The following EPC2 variants were observed in gnomAD, a reference collection of about 807,000 sequenced individuals.
EPC2 encodes the protein enhancer of polycomb homolog 2.
Under a neutral mutation model 92.1 loss-of-function variants are expected in EPC2, and 14 were observed. That is an observed-to-expected ratio of 0.15 (90% CI 0.10 to 0.24). EPC2 has a LOEUF of 0.24. Ranked by LOEUF, EPC2 falls within the 10% of genes least tolerant of loss-of-function variation. The pLI is 1.00. For missense variants in EPC2, 755 were observed against 971.5 expected (o/e 0.78, Z 2.96); for synonymous variants, 340 against 334.7 (o/e 1.02, Z -0.17).
At chr2:148,691,502 T>A in intron 2 of EPC2, 1 of 1,549,156 alleles carries the variant, frequency 6.5e-7, no homozygotes, top group Non-Finnish European at 8.7e-7. Flanking sequence ...GATTGACTGC[T>A]TTTCATTGAT....
chr2:148,708,139 C>A (rs1385401861), intron 2 of EPC2, among the ~76,000 whole-genome samples: 1 of 152,040 alleles, frequency 6.6e-6, no homozygotes, highest in East Asian at 1.9e-4. Context: ...CAAATAGATG[C>A]AGTAAAAAAT....
chr2:148,746,289 T>A (rs1017661071), intron 3 of EPC2, among the ~76,000 whole-genome samples: 2 of 152,094 alleles, frequency 1.3e-5, no homozygotes, highest in African/African-American at 4.8e-5. Flanking sequence ...TTCACCTGGA[T>A]GGTCCACAGT....
intron 1 of EPC2, among the ~76,000 whole-genome samples, chr2:148,658,026 A>G (rs72862675): frequency 3.3e-3 from 495 of 152,278 alleles, no homozygotes; most frequent in Non-Finnish European, 5.5e-3. Flanking sequence ...GAATTATTTA[A>G]TACCTAAGCC....
At chr2:148,780,002 A>G (rs1683717842) in intron 10 of EPC2, among the ~76,000 whole-genome samples, 1 of 152,208 alleles carries the variant, frequency 6.6e-6, no homozygotes. Flanking sequence ...ATAGCTGGAA[A>G]TTCATGAATA....
chr2:148,759,383 G>C (rs1006824909), intron 4 of EPC2, among the ~76,000 whole-genome samples: 2 of 152,140 alleles, frequency 1.3e-5, no homozygotes, highest in South Asian at 4.1e-4. Context: ...GTGAGCCACT[G>C]CGCCCGGCCA....
At chr2:148,746,030 T>G (rs1256259276) in intron 3 of EPC2, among the ~76,000 whole-genome samples, 1 of 151,968 alleles carries the variant, frequency 6.6e-6, no homozygotes, top group Non-Finnish European at 1.5e-5. Context: ...AAAAATACAG[T>G]TTATTCCCTC....
intron 1 of EPC2, among the ~76,000 whole-genome samples, chr2:148,660,668 C>T (rs1680913479): frequency 6.6e-6 from 1 of 151,100 alleles, no homozygotes; most frequent in South Asian, 2.1e-4. Flanking sequence ...CTCATTTTTT[C>T]CTTAGAACTT....
intron 1 of EPC2, among the ~76,000 whole-genome samples, chr2:148,681,714 G>GTTTC (rs1219880794): frequency 1.4e-4 from 22 of 152,052 alleles, no homozygotes; most frequent in African/African-American, 5.1e-4. Flanking sequence ...TTGTTTGTTT[G>GTTTC]TTTCTTTCTT....
intron 3 of EPC2, among the ~76,000 whole-genome samples, chr2:148,750,798 T>C (rs1470827552): frequency 1.3e-5 from 2 of 152,112 alleles, no homozygotes; most frequent in African/African-American, 4.8e-5. Flanking sequence ...ATGCTTGTTA[T>C]TTGGAAGCCT....
chr2:148,646,199 C>T (rs771534197), intron 1 of EPC2, among the ~76,000 whole-genome samples: 27 of 152,176 alleles, frequency 1.8e-4, no homozygotes, highest in Non-Finnish European at 3.1e-4. Flanking sequence ...GATTGGTTCT[C>T]TTGCTTCAGT....
intron 2 of EPC2, among the ~76,000 whole-genome samples, chr2:148,719,322 T>C (rs1034790029): frequency 2.6e-5 from 4 of 152,228 alleles, no homozygotes; most frequent in Admixed American, 6.5e-5. Context: ...AAGGACACTC[T>C]GGCTTTTTGA....
intron 1 of EPC2, among the ~76,000 whole-genome samples, chr2:148,676,945 G>A (rs992169972): frequency 2.6e-5 from 4 of 151,894 alleles, no homozygotes; most frequent in African/African-American, 9.7e-5. Context: ...AGGAAATCAC[G>A]TAGTGCCTGT....
intron 2 of EPC2, among the ~76,000 whole-genome samples, chr2:148,715,946 A>G (rs1317478379): frequency 6.6e-6 from 1 of 151,834 alleles, no homozygotes; most frequent in Admixed American, 6.6e-5. Context: ...CACTTCCCTT[A>G]TTAGCTGTAT....
chr2:148,717,193 A>ATTT (rs61215161), intron 2 of EPC2, among the ~76,000 whole-genome samples: 1 of 100,894 alleles, frequency 9.9e-6, no homozygotes, highest in Non-Finnish European at 2.0e-5. Context: ...GGATTCATTG[A>ATTT]TTTTTTTTTT....
Position 148,786,300 on chromosome 2 carries a change from C to G in EPC2, c.2352-5C>G, listed in dbSNP as rs1310233277. 2 of 1,608,984 alleles carry G rather than the reference C, an allele frequency of 1.2e-6. No individual in the cohort carries two copies. The highest frequency in any genetic ancestry group is 1.1e-5 in the South Asian group (1 of 90,118). On this transcript the variant is annotated splice_region_variant and splice_polypyrimidine_tract_variant and intron_variant, in intron 13 of 13. Transcript: ENST00000258484. ...TTTATTTTATCCTTTGCCTTATTAC[C>G]ATAGAGAGAACCACGAACCAGAAAG...
intron 4 of EPC2, among the ~76,000 whole-genome samples, chr2:148,757,409 AATAG>A (rs1683213244): frequency 1.3e-5 from 2 of 152,240 alleles, no homozygotes; most frequent in Admixed American, 6.5e-5. Context: ...TATAGTTAGA[AATAG>A]ATATAGATCT....
At chr2:148,765,493 G>T (rs2382250) in intron 7 of EPC2, among the ~76,000 whole-genome samples, 2,076 of 152,114 alleles carry the variant, frequency 0.014, 43 homozygotes, top group African/African-American at 0.047. Flanking sequence ...ATATATAATT[G>T]TAAATATTGA....
chr2:148,700,818 A>G (rs1371690230), intron 2 of EPC2, among the ~76,000 whole-genome samples: 1 of 152,064 alleles, frequency 6.6e-6, no homozygotes, highest in Admixed American at 6.6e-5. Flanking sequence ...CATCATTGTA[A>G]CAAAATAACT....
At chr2:148,718,064 C>G (rs1218833910) in intron 2 of EPC2, among the ~76,000 whole-genome samples, 2 of 152,082 alleles carry the variant, frequency 1.3e-5, no homozygotes, top group African/African-American at 4.8e-5. Context: ...GGATTGCAAC[C>G]CCTGCTTCGT....
Sources: gnomAD v4.1 joint callset for allele counts (sites outside exome capture counted in the v4.1 genomes callset) on GRCh38, gnomAD v4.1.1 for gene constraint, MANE v1.5 for transcripts, NCBI Gene and HGNC (gene_info 2026-07-23, HGNC 2026-07-21) for gene names.